The following BCL2 variants were observed in gnomAD, a reference collection of about 807,000 sequenced individuals.
BCL2 encodes the protein BCL2 apoptosis regulator, also known as apoptosis regulator Bcl-2.
Under a neutral mutation model 14.2 loss-of-function variants are expected in BCL2, and 1 was observed. The ratio of observed to expected loss-of-function variants is 0.07; its 90% CI spans 0.02 to 0.33. The LOEUF (loss-of-function observed/expected upper bound fraction) is 0.33. Ranked by LOEUF, BCL2 falls within the 10% of genes least tolerant of loss-of-function variation. The probability of loss-of-function intolerance (pLI) is 0.99; values close to 1 mark genes in which losing one functional copy is unlikely to be tolerated. For synonymous variants in BCL2, 151 were observed against 137.2 expected, an observed-to-expected ratio of 1.10 and a Z score of -0.70; for missense variants, 247 against 305.9, an observed-to-expected ratio of 0.81 and a Z score of 1.44.
At chr18:63,215,179 T>C (rs1228315132) in intron 2 of BCL2, among the ~76,000 whole-genome samples, 2 of 152,324 alleles carry the variant, frequency 1.3e-5, no homozygotes, top group African/African-American at 2.4e-5. Context: ...CACCCTTTCT[T>C]GCAATTTAGA....
At chr18:63,302,411 T>C (rs888939681) in intron 2 of BCL2, 41 of 985,238 alleles carry the variant, frequency 4.2e-5, no homozygotes, top group Non-Finnish European at 4.8e-5. Context: ...GATGGTGAAC[T>C]CTGTCTTGCT....
intron 2 of BCL2, among the ~76,000 whole-genome samples, chr18:63,180,508 C>T (rs923199314): frequency 2.6e-5 from 4 of 151,904 alleles, no homozygotes; most frequent in African/African-American, 7.3e-5. Context: ...AGCTGTCCGC[C>T]CACCCCACCC....
Position 63,128,255 on chromosome 18 carries a change from C to T in BCL2, c.*370G>A, listed in dbSNP as rs1238714786. The T allele has an allele frequency of 1.3e-5, 3 of 237,410 alleles. No individual in the cohort carries two copies. The highest frequency in any genetic ancestry group is 8.3e-6 in the Non-Finnish European group (1 of 120,588). The allele number at this position is 237,410 out of a possible 1,614,324, so 14.7% of individuals were successfully genotyped here. On this transcript the variant is annotated 3_prime_UTR_variant, in exon 3 of 3. Coordinates refer to ENST00000333681, the MANE Select transcript of BCL2 (RefSeq NM_000633.3). ...GTGATCCGGCCAACAACATGGAAAG[C>T]GAATCTATGTTTACAGGCACAGAAC...
At chr18:63,133,319 ATTTTTTTT>A (rs34022610) in intron 2 of BCL2, among the ~76,000 whole-genome samples, 1 of 103,372 alleles carries the variant, frequency 9.7e-6, no homozygotes, top group African/African-American at 3.6e-5. Context: ...ACCTTCAAGA[ATTTTTTTT>A]TTTTTTTTTT....
At chr18:63,181,004 A>C (rs948889987) in intron 2 of BCL2, among the ~76,000 whole-genome samples, 24 of 152,134 alleles carry the variant, frequency 1.6e-4, no homozygotes, top group African/African-American at 5.8e-4. Context: ...AACAAATATT[A>C]ATGTGGAGAA....
At chr18:63,163,956 T>C (rs11877475) in intron 2 of BCL2, among the ~76,000 whole-genome samples, 16,775 of 152,224 alleles carry the variant, frequency 0.11, 1,719 homozygotes, top group African/African-American at 0.27. Context: ...GCCTTTTTCA[T>C]TGAAGCAAAG....
At chr18:63,205,773 C>T (rs1173975570) in intron 2 of BCL2, among the ~76,000 whole-genome samples, 1 of 152,136 alleles carries the variant, frequency 6.6e-6, no homozygotes, top group East Asian at 1.9e-4. Flanking sequence ...AGCAGCCCCG[C>T]TCCCACCCCC....
chr18:63,201,921 T>C (rs765946840), intron 2 of BCL2, among the ~76,000 whole-genome samples: 1 of 152,070 alleles, frequency 6.6e-6, no homozygotes, highest in Non-Finnish European at 1.5e-5. Flanking sequence ...GGCACGTGTA[T>C]ACCTATGTAA....
Position 63,123,924 on chromosome 18 carries a change from T to G in BCL2, c.*4701A>C, listed in dbSNP as rs1280437861. 4.6e-6 allele frequency: 1 copy of G among 219,664 alleles called. No individual in the cohort carries two copies. The highest frequency in any genetic ancestry group is 6.6e-5 in the East Asian group (1 of 15,134). The allele number at this position is 219,664 out of a possible 1,614,324, so 13.6% of individuals were successfully genotyped here. A position where few individuals can be genotyped will look rare whatever the true frequency, so the allele number is the denominator to read the frequency against. On this transcript the variant is annotated 3_prime_UTR_variant, in exon 3 of 3. Transcript: ENST00000333681. The stretch of plus-strand genomic sequence containing the variant: ...ATTTATTAATAGTCTCAGAATTTTC[T>G]TGATTGAGCGAGCCTTTCCATCCTC...
At chr18:63,314,624 T>C (rs138100636) in intron 2 of BCL2, 1 of 152,210 alleles carries the variant, frequency 6.6e-6, no homozygotes, top group African/African-American at 2.4e-5. Context: ...GTTCCCAGTT[T>C]AGAGGGTCAC....
rs1210532211 is a variant in BCL2, at chr18:63,128,335, A to G, written c.*290T>C. 1.1e-5 allele frequency: 3 copies of G among 277,894 alleles called. No individual in the cohort carries two copies. The highest frequency in any genetic ancestry group is 2.0e-5 in the Non-Finnish European group (3 of 146,844). The allele number at this position is 277,894 out of a possible 1,614,324, so 17.2% of individuals were successfully genotyped here. ...TGGCAATTAGTGGTCGGATTTCCAAAGACAGGAGTTTTGATGGGACTGTCT... is the reference window on the plus strand; with the variant it reads ...TGGCAATTAGTGGTCGGATTTCCAAGGACAGGAGTTTTGATGGGACTGTCT... On this transcript the variant is annotated 3_prime_UTR_variant, in exon 3 of 3. Transcript: ENST00000333681.
intron 2 of BCL2, among the ~76,000 whole-genome samples, chr18:63,273,180 G>A (rs953622756): frequency 1.3e-5 from 2 of 152,154 alleles, no homozygotes; most frequent in African/African-American, 4.8e-5. Flanking sequence ...TCATGAGTGG[G>A]GCTAACGCCA....
chr18:63,282,338 C>T (rs1404375411), intron 2 of BCL2, among the ~76,000 whole-genome samples: 1 of 152,202 alleles, frequency 6.6e-6, no homozygotes, highest in Non-Finnish European at 1.5e-5. Flanking sequence ...GCAGTTATTT[C>T]TCTCATGGAC....
At position 63,127,422 on chromosome 18, in the gene BCL2, G is replaced by C; in HGVS notation, c.*1203C>G. ...AGTGATACATGTCTTAAGAAGGGTC[G>C]TGGCTCCCATGCTCCACGTGAAAAC... is the stretch of plus-strand genomic sequence containing the variant. On this transcript the variant is annotated 3_prime_UTR_variant, in exon 3 of 3. Transcript: ENST00000333681. 1 of 235,990 alleles carries C rather than the reference G, an allele frequency of 4.2e-6. No individual in the cohort carries two copies. The allele number at this position is 235,990 out of a possible 1,614,324, so 14.6% of individuals were successfully genotyped here.
chr18:63,145,928 A>C (rs1914499495), intron 2 of BCL2, among the ~76,000 whole-genome samples: 2 of 152,110 alleles, frequency 1.3e-5, no homozygotes, highest in South Asian at 4.2e-4. Flanking sequence ...TGGGAGACAA[A>C]AAATGGCTGG....
intron 2 of BCL2, among the ~76,000 whole-genome samples, chr18:63,236,057 G>A (rs1910821307): frequency 6.6e-6 from 1 of 151,958 alleles, no homozygotes; most frequent in African/African-American, 2.4e-5. Flanking sequence ...CATGGAGGTG[G>A]GTTTTTCCCA....
At chr18:63,136,025 G>A (rs1308075456) in intron 2 of BCL2, among the ~76,000 whole-genome samples, 2 of 151,998 alleles carry the variant, frequency 1.3e-5, no homozygotes, top group East Asian at 1.9e-4. Flanking sequence ...AGGGTCTTCC[G>A]TGACTCTGCT....
chr18:63,172,604 AC>A (rs2144632559), intron 2 of BCL2, among the ~76,000 whole-genome samples: 1 of 152,142 alleles, frequency 6.6e-6, no homozygotes, highest in African/African-American at 2.4e-5. Flanking sequence ...ACACGGTGAA[AC>A]CCTGTCTCTA....
intron 2 of BCL2, among the ~76,000 whole-genome samples, chr18:63,294,253 T>C (rs746282782): frequency 1.8e-4 from 27 of 152,118 alleles, no homozygotes; most frequent in Middle Eastern, 3.2e-3. Context: ...AAGAGGTGGC[T>C]GGAACCCTCA....
Sources: allele counts gnomAD v4.1 joint callset (sites outside exome capture counted in the v4.1 genomes callset), GRCh38; gene constraint gnomAD v4.1.1; transcripts MANE v1.5; gene names NCBI Gene and HGNC (gene_info 2026-07-23, HGNC 2026-07-21).